The following SLC26A4 variants were observed in gnomAD, a reference collection of about 807,000 sequenced individuals.
SLC26A4 encodes solute carrier family 26 member 4.
A neutral mutation model predicts 90.4 loss-of-function variants in SLC26A4; 93 were observed. The observed-to-expected ratio is 1.03, with a 90% CI of 0.87 to 1.22. SLC26A4 has a LOEUF of 1.22. Ranked by LOEUF, SLC26A4 falls within the 50% of genes most tolerant of loss-of-function variation. SLC26A4 has a pLI of 0.00. For synonymous variants in SLC26A4, 393 were observed against 354.6 expected, an observed-to-expected ratio of 1.11 and a Z score of -1.22; for missense variants, 1,127 against 946.2, an observed-to-expected ratio of 1.19 and a Z score of -2.51.
chr7:107,702,265 C>T (rs577107702), intron 17 of SLC26A4, among the ~76,000 whole-genome samples: 14 of 152,290 alleles, frequency 9.2e-5, no homozygotes, highest in East Asian at 1.9e-4. Context: ...ACTAGCAGTA[C>T]GACCCTGGGC....
rs1019817864 is a variant in SLC26A4, at chr7:107,672,074, T to C, written c.305-64T>C. 11 of 979,064 alleles carry C rather than the reference T, an allele frequency of 1.1e-5. No individual in the cohort carries two copies. The African/African-American group carries it at 1.3e-4, about 11-fold the overall frequency. The allele number at this position is 979,064 out of a possible 1,614,324, so 60.6% of individuals were successfully genotyped here. ...AAGTCATAAGTGGAACCATTGTAAG[T>C]TGAGGACTTTCTGCATACTGTAACT... On this transcript the variant is annotated intron_variant, in intron 3 of 20. Coordinates refer to ENST00000644269, the MANE Select transcript of SLC26A4 (RefSeq NM_000441.2).
chr7:107,693,560 A>G (rs1791640037), intron 10 of SLC26A4: 1 of 985,154 alleles, frequency 1.0e-6, no homozygotes, highest in Non-Finnish European at 1.2e-6. Context: ...AGAGCTTCTA[A>G]TCTTCATCTT....
At chr7:107,665,612 T>C (rs1417179132) in intron 3 of SLC26A4, among the ~76,000 whole-genome samples, 1 of 152,200 alleles carries the variant, frequency 6.6e-6, no homozygotes, top group Non-Finnish European at 1.5e-5. Context: ...TCTTTATATA[T>C]AAAAAATGGT....
chr7:107,686,978 A>G (rs1206806614), intron 8 of SLC26A4, among the ~76,000 whole-genome samples: 2 of 152,244 alleles, frequency 1.3e-5, no homozygotes, highest in Non-Finnish European at 2.9e-5. Flanking sequence ...CTGCTTTCTG[A>G]GGGCTACTCT....
intron 19 of SLC26A4, 142 bp downstream of exon 19, chr7:107,710,341 T>A: frequency 2.9e-6 from 2 of 693,410 alleles, no homozygotes; most frequent in Admixed American, 2.3e-5. Context: ...TTTTCATCAG[T>A]AAAATGGAAG....
Position 107,672,246 on chromosome 7 carries a change from T to C in SLC26A4, c.413T>C (p.Val138Ala), listed in dbSNP as rs1790890770. The change falls in exon 4 of 21, where the codon GTT becomes GCT. Residue 138 changes from valine to alanine, a missense_variant and splice_region_variant. Coordinates refer to ENST00000644269, the MANE Select transcript of SLC26A4 (RefSeq NM_000441.2). ...TTTGGAACATCAAGACATATCTCAG[T>C]TGGTAATTATAAGTATATTTTACAA... Reference protein sequence around the residue: ...FIFGTSRHISVGPFPVVSLMV... With the variant: ...FIFGTSRHISAGPFPVVSLMV... 14 of 1,558,100 alleles carry C rather than the reference T, an allele frequency of 9.0e-6. No individual in the cohort carries two copies. The highest frequency in any genetic ancestry group is 1.2e-5 in the Non-Finnish European group (14 of 1,129,268).
chr7:107,661,786 A>C lies in SLC26A4; in HGVS notation c.145A>C (p.Ser49Arg). ...RLQERKTLRE[S>R]LAKCCSCSRK... ...GCAGGAGCGCAAGACGCTGCGGGAG[A>C]GCCTGGCCAAGTGCTGCAGGTAGCG... Residue 49 changes from serine (S) to arginine (R), a missense_variant, in exon 2 of 21, where the codon AGC becomes CGC. Transcript: ENST00000644269. This position sits in a 1 kb window ranked among gnomAD's most constrained non-coding sequence, Gnocchi z 5.1. The C allele has an allele frequency of 6.5e-7, 1 of 1,538,948 alleles. No individual in the cohort carries two copies. The highest frequency in any genetic ancestry group is 8.7e-7 in the Non-Finnish European group (1 of 1,146,994).
intron 18 of SLC26A4, among the ~76,000 whole-genome samples, chr7:107,705,560 A>T (rs1415758606): frequency 6.6e-6 from 1 of 152,176 alleles, no homozygotes; most frequent in Non-Finnish European, 1.5e-5. Context: ...TGATGTATTT[A>T]TATATGTGGA....
chr7:107,687,220 G>T (rs769789118), intron 8 of SLC26A4, among the ~76,000 whole-genome samples: 2 of 152,308 alleles, frequency 1.3e-5, no homozygotes, highest in African/African-American at 4.8e-5. Flanking sequence ...GACATGCTTG[G>T]CTGGGGCCAA....
intron 18 of SLC26A4, among the ~76,000 whole-genome samples, chr7:107,708,972 T>C (rs952927859): frequency 5.9e-5 from 9 of 152,156 alleles, no homozygotes; most frequent in African/African-American, 1.2e-4. Flanking sequence ...AAGGCTTAGG[T>C]TGAATTCTTT....
At chr7:107,712,232 A>G (rs375424869) in intron 19 of SLC26A4, among the ~76,000 whole-genome samples, 1 of 152,218 alleles carries the variant, frequency 6.6e-6, no homozygotes, top group African/African-American at 2.4e-5. Context: ...TGAGAGATGC[A>G]CTATTGACTG....
intron 19 of SLC26A4, 146 bp from the exon 20 acceptor site, chr7:107,712,393 G>T: frequency 3.2e-6 from 2 of 625,594 alleles, no homozygotes; most frequent in Non-Finnish European, 5.7e-6. Flanking sequence ...TTTTAGTTGG[G>T]AAATATAAAA....
Position 107,698,696 on chromosome 7 carries a change from TTTTG to T in SLC26A4, c.1614+589_1614+592del, listed in dbSNP as rs1231500327. Among the ~76,000 whole-genome samples, 5 of 152,236 alleles carry T rather than the reference TTTTG, an allele frequency of 3.3e-5. No individual in the cohort carries two copies. In the South Asian group the frequency reaches 6.2e-4, roughly 19 times the overall value. ...GCAATTTCTAGATGTTCATCCAAAA[TTTTG>T]TTTATCTGGTATATAATTCTTATCT... On this transcript the variant is annotated intron_variant, in intron 14 of 20. Transcript: ENST00000644269.
intron 4 of SLC26A4, 103 bp downstream of exon 4, chr7:107,672,351 G>A (rs903093179): frequency 2.7e-5 from 11 of 400,050 alleles, no homozygotes; most frequent in Middle Eastern, 8.0e-4. Context: ...AAGTAATTGC[G>A]GTTTTCACAA....
intron 6 of SLC26A4, 143 bp downstream of exon 6, chr7:107,675,252 G>T: frequency 1.5e-6 from 1 of 645,274 alleles, no homozygotes; most frequent in South Asian, 1.5e-5. Flanking sequence ...GATTGCTTGA[G>T]CCCAGGAGTT....
At chr7:107,663,582 C>A in intron 3 of SLC26A4, 147 bp downstream of exon 3, 1 of 870,396 alleles carries the variant, frequency 1.1e-6, no homozygotes. Context: ...AGTCACCTCT[C>A]TTCTCCCCTT....
At chr7:107,679,234 T>G (rs1791108738) in intron 6 of SLC26A4, among the ~76,000 whole-genome samples, 1 of 152,118 alleles carries the variant, frequency 6.6e-6, no homozygotes, top group African/African-American at 2.4e-5. Context: ...TTTGAATGGT[T>G]TGTCTCAGTA....
chr7:107,686,360 TTCC>T, intron 8 of SLC26A4, among the ~76,000 whole-genome samples: 1 of 141,492 alleles, frequency 7.1e-6, no homozygotes, highest in African/African-American at 2.6e-5. Context: ...CCTTCCTACC[TTCC>T]CTCCCTTTCC....
chr7:107,686,404 T>TC (rs1791412872), intron 8 of SLC26A4, among the ~76,000 whole-genome samples: 3 of 105,550 alleles, frequency 2.8e-5, no homozygotes, highest in Non-Finnish European at 1.9e-5. Context: ...CTCTCTCTCT[T>TC]TTTTCTTTCT....
Sources: allele counts gnomAD v4.1 joint callset (sites outside exome capture counted in the v4.1 genomes callset), GRCh38; gene constraint gnomAD v4.1.1; non-coding constraint Gnocchi (gnomAD v3.1); transcripts MANE v1.5; gene names NCBI Gene and HGNC (gene_info 2026-07-23, HGNC 2026-07-21).